RNF213: variants seen among roughly 807,000 people sequenced by gnomAD.
RNF213 encodes the protein E3 ubiquitin-protein ligase RNF213.
Under a neutral mutation model 514.4 loss-of-function variants are expected in RNF213, and 341 were observed. That is an observed-to-expected ratio of 0.66 (90% CI 0.61 to 0.73). The LOEUF (loss-of-function observed/expected upper bound fraction) is 0.73. Among genes scored for constraint, RNF213 ranks in the 30% least tolerant of loss-of-function variants. The pLI is 0.00. For missense variants in RNF213, 5,767 were observed against 6,615.6 expected (o/e 0.87, Z 4.45); for synonymous variants, 2,655 against 2,658.2 (o/e 1.00, Z 0.04).
intron 18 of RNF213, among the ~76,000 whole-genome samples, chr17:80,326,792 C>A (rs915120146): frequency 1.3e-5 from 2 of 152,188 alleles, no homozygotes; most frequent in African/African-American, 4.8e-5. Flanking sequence ...CATTCGCTTA[C>A]CCGTTCACCT....
chr17:80,319,125 A>G, intron 16 of RNF213, 65 bp from the exon 17 acceptor site: 4 of 1,613,644 alleles, frequency 2.5e-6, no homozygotes, highest in South Asian at 2.2e-5. Context: ...AAGAATTTTC[A>G]TCCCATAGAG....
intron 6 of RNF213, 116 bp from the exon 7 acceptor site, chr17:80,290,454 A>G (rs1355802534): frequency 1.6e-6 from 2 of 1,229,132 alleles, no homozygotes; most frequent in African/African-American, 1.6e-5. Flanking sequence ...TGTGTGTGCG[A>G]GTGCATGTGT....
Position 80,344,741 on chromosome 17 carries a change from A to G in RNF213, c.6406A>G (p.Lys2136Glu), listed in dbSNP as rs369315397. Reference sequence around the variant, plus strand: ...CCCAAAAGTCACCTGCAGGCCTCCCAAAGAGGTGATAGACATGGAGCTGAG... The same window carrying G: ...CCCAAAAGTCACCTGCAGGCCTCCCGAAGAGGTGATAGACATGGAGCTGAG... Reference protein sequence around the residue: ...IFPKVTCRPPKEVIDMELSAL... With the variant: ...IFPKVTCRPPEEVIDMELSAL... Residue 2136 changes from lysine to glutamate, a missense_variant, in exon 29 of 68, where the codon AAA (lysine) becomes GAA (glutamate). By Grantham distance (56) the Lys-to-Glu change is moderately conservative. Coordinates refer to ENST00000582970, the MANE Select transcript of RNF213 (RefSeq NM_001256071.3). 1.9e-6 allele frequency: 3 copies of G among 1,614,014 alleles called. No individual in the cohort carries two copies. The highest frequency in any genetic ancestry group is 2.5e-6 in the Non-Finnish European group (3 of 1,180,022).
rs113523225 is a variant in RNF213, at chr17:80,338,947, CA to C, written c.4834-245del. Among the ~76,000 whole-genome samples, 306 of 128,036 alleles carry C rather than the reference CA, an allele frequency of 2.4e-3. 1 individual carries two copies. The highest frequency in any genetic ancestry group is 8.1e-3 in the African/African-American group (280 of 34,426). The allele number at this position is 128,036 out of a possible 152,430, so 84.0% of individuals were successfully genotyped here. A position where few individuals can be genotyped will look rare whatever the true frequency, so the allele number is the denominator to read the frequency against. ...TGGGCAACAATGCAAGACTCCATCTCAAAAAAAAATTAAAAAAAAAAAAAAA... is the reference window on the plus strand; with the variant it reads ...TGGGCAACAATGCAAGACTCCATCTCAAAAAAAATTAAAAAAAAAAAAAAA... On this transcript the variant is annotated intron_variant, in intron 25 of 67. Transcript: ENST00000582970.
rs141613575 is a variant in RNF213 at position 80,298,387 on chromosome 17, C to T, written c.2079C>T (p.Gly693=). 6.8e-6 allele frequency: 11 copies of T among 1,614,146 alleles called. No individual in the cohort carries two copies. The highest frequency in any genetic ancestry group is 2.2e-5 in the East Asian group (1 of 44,878). The change falls in exon 11 of 68, where the codon GGC becomes GGT. Residue 693 remains glycine (G), a synonymous_variant. Transcript: ENST00000582970. ...ACACAAGGACGTACACCTGGCTGGG[C>T]GCCCTGCCTGTCCTGCACTGCTGTA... ...CMDTRTYTWL[G]ALPVLHCCME...
Position 80,284,651 on chromosome 17 carries a change from G to C in RNF213, c.262-3164G>C, listed in dbSNP as rs569402462. Among the ~76,000 whole-genome samples, 13 of 152,234 alleles carry C rather than the reference G, an allele frequency of 8.5e-5. No homozygotes were observed. In the South Asian group the frequency reaches 2.5e-3, roughly 29 times the overall value. ...ATTATGGACACACCTGATGAGCCCC[G>C]AGCCTGTAGGTGAGGCTTGGTGCAG... On this transcript the variant is annotated intron_variant, in intron 3 of 67. Transcript: ENST00000582970.
rs367877144 is a variant in RNF213, at chr17:80,291,616, G to C, written c.1272-12G>C. 2.5e-6 allele frequency: 4 copies of C among 1,613,930 alleles called. No individual in the cohort carries two copies. Among genetic ancestry groups the C allele is most frequent in the Admixed American group, 3.3e-5 (2 of 60,002 alleles). ...AATTTTGGATAGCCAACCGTATCCT[G>C]TTCATTCACAGAGACTTGGGTCATG... On this transcript the variant is annotated splice_polypyrimidine_tract_variant and intron_variant, in intron 7 of 67. Transcript: ENST00000582970.
chr17:80,364,172 A>T (rs1381504768), intron 41 of RNF213, among the ~76,000 whole-genome samples: 2 of 152,224 alleles, frequency 1.3e-5, no homozygotes, highest in Non-Finnish European at 2.9e-5. Flanking sequence ...TGACAGGCGC[A>T]GGATCATGCA....
chr17:80,309,942 G>A (rs530498413), intron 14 of RNF213, among the ~76,000 whole-genome samples: 109 of 152,130 alleles, frequency 7.2e-4, no homozygotes, highest in African/African-American at 2.6e-3. Flanking sequence ...TTTTAGTAGA[G>A]ATGGGGTTTC....
At position 80,380,949 on chromosome 17, in the gene RNF213, CACTT is replaced by C. The variant is rs2079973566; in HGVS notation, c.13760_13763del (p.His4587ArgfsTer14). ...CTTCCTCCTTATCCGGCTACTCACT[CACTT>C]GGCTCTGCTTCTGGGAGCGTCCCAG... On this transcript the variant is annotated frameshift_variant, in exon 56 of 68. Coordinates refer to ENST00000582970, the MANE Select transcript of RNF213 (RefSeq NM_001256071.3). LOFTEE classifies it high-confidence loss of function. 6.2e-7 allele frequency: 1 copy of C among 1,614,126 alleles called. No individual in the cohort carries two copies. The highest frequency in any genetic ancestry group is 1.1e-5 in the South Asian group (1 of 91,084).
At chr17:80,293,401 A>G (rs981423805) in intron 8 of RNF213, among the ~76,000 whole-genome samples, 2 of 152,162 alleles carry the variant, frequency 1.3e-5, no homozygotes, top group East Asian at 1.9e-4. Context: ...CTCTGAGAAC[A>G]TAAGCTTTGA....
At position 80,368,012 on chromosome 17, in the gene RNF213, C is replaced by T. The variant is rs1344814246; in HGVS notation, c.12024C>T (p.Val4008=). Residue 4008 remains valine, a synonymous_variant, in exon 44 of 68, where the codon GTC becomes GTT. Transcript: ENST00000582970. ...GCCTGGGAGATGCAAAGGACCCCGTCTGTCTGCCCTGCGACCACGTGCACT... is the reference window on the plus strand; with the variant it reads ...GCCTGGGAGATGCAAAGGACCCCGTTTGTCTGCCCTGCGACCACGTGCACT... The part of the protein sequence containing the change: ...SICLGDAKDP[V]CLPCDHVHCL... The T allele has an allele frequency of 1.9e-6, 3 of 1,614,282 alleles. No individual in the cohort carries two copies. The South Asian group carries it at 3.3e-5, about 18-fold the overall frequency.
In RNF213 at chr17:80,389,868, G is replaced by A. The variant is rs375786574; in HGVS notation, c.15236G>A (p.Trp5079Ter). 16 of 1,614,138 alleles carry A rather than the reference G, an allele frequency of 9.9e-6. No homozygotes were observed. The highest frequency in any genetic ancestry group is 1.4e-5 in the Non-Finnish European group (16 of 1,180,052). ...RCQLKHTIAL[W>*]QFLSAHKSEQ... is the part of the protein sequence containing the mutation. ...CAGTTAAAACACACCATTGCCCTCTGGCAGTTCCTGTCTGCTCATAAGTCT... is the reference window on the plus strand; with the variant it reads ...CAGTTAAAACACACCATTGCCCTCTAGCAGTTCCTGTCTGCTCATAAGTCT... Residue 5079 changes from tryptophan to a stop codon, truncating the protein, a stop_gained, in exon 66 of 68, where the codon TGG becomes TAG. Transcript: ENST00000582970. LOFTEE classifies it high-confidence loss of function.
intron 17 of RNF213, among the ~76,000 whole-genome samples, chr17:80,323,441 T>C (rs1395843532): frequency 6.6e-6 from 1 of 152,206 alleles, no homozygotes; most frequent in East Asian, 1.9e-4. Context: ...CAGCTGGGAT[T>C]CTGGTAGGGC....
At position 80,295,721 on chromosome 17, in the gene RNF213, C is replaced by T. The variant is rs770499998; in HGVS notation, c.1920C>T (p.Ser640=). Reference sequence around the variant, plus strand: ...AAATTGAGCTTTTATTAGAAGGCAGCCTGGACTGGTTGTGTCACCTCCTAA... The same window carrying T: ...AAATTGAGCTTTTATTAGAAGGCAGTCTGGACTGGTTGTGTCACCTCCTAA... ...VEKIELLLEG[S]LDWLCHLLTS... The change falls in exon 10 of 68, where the codon AGC becomes AGT. Residue 640 remains serine, a synonymous_variant. Transcript: ENST00000582970. 1 of 1,614,178 alleles carries T rather than the reference C, an allele frequency of 6.2e-7. No individual in the cohort carries two copies. The highest frequency in any genetic ancestry group is 1.1e-5 in the South Asian group (1 of 91,084).
rs1303242740 is a variant in RNF213, at chr17:80,353,503, C to T, written c.10424-9C>T. The T allele has an allele frequency of 3.7e-6, 6 of 1,604,200 alleles. No individual in the cohort carries two copies. Among genetic ancestry groups the T allele is most frequent in the South Asian group, 2.2e-5 (2 of 89,666 alleles). ...AGTGGTAACGCAATCACGTTTGCTT[C>T]GACTGCAGTGGGCTTGGAACACCGG... On this transcript the variant is annotated splice_polypyrimidine_tract_variant and intron_variant, in intron 33 of 67. Transcript: ENST00000582970. This position sits in a 1 kb window ranked among gnomAD's most constrained non-coding sequence, Gnocchi z 5.0.
At chr17:80,327,468 G>T (rs1472960226) in intron 18 of RNF213, among the ~76,000 whole-genome samples, 1 of 148,162 alleles carries the variant, frequency 6.7e-6, no homozygotes, top group East Asian at 2.0e-4. Flanking sequence ...GTGACAGAGA[G>T]AGACCCTGTC....
intron 18 of RNF213, among the ~76,000 whole-genome samples, chr17:80,326,875 G>T (rs532186904): frequency 2.6e-5 from 4 of 152,314 alleles, no homozygotes; most frequent in African/African-American, 9.6e-5. Context: ...TTCTTATGGT[G>T]CAGATAAGCT....
At chr17:80,320,123 G>C (rs1048636193) in intron 17 of RNF213, 2 of 601,682 alleles carry the variant, frequency 3.3e-6, no homozygotes, top group African/African-American at 2.0e-5. Context: ...CACAGTTAAT[G>C]ACAGAGCATT....
Sources: allele counts gnomAD v4.1 joint callset (sites outside exome capture counted in the v4.1 genomes callset), GRCh38; gene constraint gnomAD v4.1.1; non-coding constraint Gnocchi (gnomAD v3.1); transcripts MANE v1.5; gene names NCBI Gene and HGNC (gene_info 2026-07-23, HGNC 2026-07-21).